The following RALYL variants were observed in gnomAD, a reference collection of about 807,000 sequenced individuals.
RALYL encodes the protein RALY RNA binding protein like.
A neutral mutation model predicts 35.1 loss-of-function variants in RALYL; 29 were observed. The observed-to-expected ratio is 0.83, with a 90% CI of 0.61 to 1.13. The LOEUF is 1.13. Ranked by LOEUF, RALYL falls within the 50% of genes most tolerant of loss-of-function variation. RALYL has a pLI of 0.00. For synonymous variants in RALYL, 120 were observed against 127.6 expected, an observed-to-expected ratio of 0.94 and a Z score of 0.40; for missense variants, 359 against 360.4, an observed-to-expected ratio of 1.00 and a Z score of 0.03.
intron 1 of RALYL, among the ~76,000 whole-genome samples, chr8:84,226,129 G>A (rs1395868579): frequency 6.6e-6 from 1 of 152,164 alleles, no homozygotes; most frequent in Admixed American, 6.5e-5. Context: ...TGTCAGATCA[G>A]CAGTGGCATT....
At chr8:84,219,910 G>C (rs1388254851) in intron 1 of RALYL, among the ~76,000 whole-genome samples, 4 of 151,904 alleles carry the variant, frequency 2.6e-5, no homozygotes, top group African/African-American at 9.7e-5. Context: ...ATAAAAGATT[G>C]GACAAACATT....
At chr8:84,631,842 T>C (rs1362890512) in intron 2 of RALYL, among the ~76,000 whole-genome samples, 1 of 151,988 alleles carries the variant, frequency 6.6e-6, no homozygotes, top group Non-Finnish European at 1.5e-5. Context: ...CAAAATTATT[T>C]GTATGATTTG....
chr8:84,559,142 A>G (rs186121147), intron 2 of RALYL, among the ~76,000 whole-genome samples: 60 of 151,818 alleles, frequency 4.0e-4, no homozygotes, highest in Non-Finnish European at 7.5e-4. Context: ...TTACTGAGTG[A>G]TATTTTTTAT....
At chr8:84,872,612 A>G (rs2135233470) in intron 6 of RALYL, 1 of 152,288 alleles carries the variant, frequency 6.6e-6, no homozygotes, top group Non-Finnish European at 1.5e-5. Context: ...AAACTGTACT[A>G]AACTCTAAAA....
intron 1 of RALYL, among the ~76,000 whole-genome samples, chr8:84,484,646 A>C (rs1044110622): frequency 6.6e-6 from 1 of 152,188 alleles, no homozygotes; most frequent in African/African-American, 2.4e-5. Context: ...TATTCATTCA[A>C]ATTATTTTTG....
chr8:84,535,528 T>C (rs867895536), intron 2 of RALYL, among the ~76,000 whole-genome samples: 11 of 151,206 alleles, frequency 7.3e-5, no homozygotes, highest in Admixed American at 4.0e-4. Flanking sequence ...CTCCGCCTCC[T>C]GGGTTCACGC....
intron 1 of RALYL, among the ~76,000 whole-genome samples, chr8:84,257,775 T>C (rs1274507484): frequency 1.3e-5 from 2 of 152,158 alleles, no homozygotes; most frequent in Admixed American, 1.3e-4. Context: ...TGCATTGGCT[T>C]GGTTTTCCCA....
chr8:84,314,770 G>A (rs778070247), intron 1 of RALYL, among the ~76,000 whole-genome samples: 1 of 152,006 alleles, frequency 6.6e-6, no homozygotes, highest in East Asian at 1.9e-4. Context: ...ATCACCATAA[G>A]CGAAATATAA....
chr8:84,371,683 C>T (rs1043544694), intron 1 of RALYL, among the ~76,000 whole-genome samples: 1 of 151,846 alleles, frequency 6.6e-6, no homozygotes, highest in Non-Finnish European at 1.5e-5. Context: ...AAATACTGTG[C>T]TGTGATATAC....
At chr8:84,583,588 A>G (rs1267641320) in intron 2 of RALYL, among the ~76,000 whole-genome samples, 2 of 152,176 alleles carry the variant, frequency 1.3e-5, no homozygotes, top group East Asian at 3.8e-4. Context: ...GTTATTTTGT[A>G]TTAATGAAAA....
intron 1 of RALYL, among the ~76,000 whole-genome samples, chr8:84,279,115 G>T (rs1336832484): frequency 6.6e-6 from 1 of 152,168 alleles, no homozygotes; most frequent in Admixed American, 6.5e-5. Context: ...TGGCTTACAT[G>T]GCAGCAGGCA....
chr8:84,825,835 T>A (rs1586580376), intron 4 of RALYL, among the ~76,000 whole-genome samples: 2 of 152,134 alleles, frequency 1.3e-5, no homozygotes, highest in Admixed American at 1.3e-4. Context: ...GCCACTGCAC[T>A]CAGCCTGGGA....
At chr8:84,719,494 A>T (rs1051669560) in intron 2 of RALYL, among the ~76,000 whole-genome samples, 2 of 152,164 alleles carry the variant, frequency 1.3e-5, no homozygotes, top group African/African-American at 4.8e-5. Context: ...TATGAAAAGG[A>T]ATCTAAAAAT....
intron 1 of RALYL, among the ~76,000 whole-genome samples, chr8:84,371,576 A>AAGAGAGAGAGAG (rs1389244022): frequency 1.0e-4 from 14 of 137,232 alleles, no homozygotes; most frequent in African/African-American, 3.8e-4. Flanking sequence ...CACACACAGA[A>AAGAGAGAGAGAG]AGAGAGAGAG....
chr8:84,564,727 T>C (rs1293095279), intron 2 of RALYL, among the ~76,000 whole-genome samples: 1 of 151,664 alleles, frequency 6.6e-6, no homozygotes, highest in African/African-American at 2.4e-5. Flanking sequence ...ATAAAAGCTT[T>C]CCTAGGTCCT....
chr8:84,902,033 T>A (rs2135567501), intron 8 of RALYL, among the ~76,000 whole-genome samples: 1 of 152,218 alleles, frequency 6.6e-6, no homozygotes, highest in African/African-American at 2.4e-5. Flanking sequence ...TTCAACATCA[T>A]CACATATCCA....
At chr8:84,672,697 C>G (rs1460583315) in intron 2 of RALYL, among the ~76,000 whole-genome samples, 1 of 152,114 alleles carries the variant, frequency 6.6e-6, no homozygotes, top group Non-Finnish European at 1.5e-5. Flanking sequence ...AGAACATGTA[C>G]AGGGGAAGTG....
At chr8:84,845,970 GTTCTCTATC>G (rs2134704765) in intron 4 of RALYL, among the ~76,000 whole-genome samples, 1 of 152,190 alleles carries the variant, frequency 6.6e-6, no homozygotes, top group East Asian at 1.9e-4. Context: ...TTATTTCTAG[GTTCTCTATC>G]CTGTTCCATT....
intron 5 of RALYL, among the ~76,000 whole-genome samples, chr8:84,860,327 TGGTCCTGC>T (rs1463006443): frequency 6.6e-6 from 1 of 152,166 alleles, no homozygotes; most frequent in East Asian, 1.9e-4. Flanking sequence ...CCTAGGGAAA[TGGTCCTGC>T]TAAAAGAGCT....
Sources: gnomAD v4.1 joint callset for allele counts (sites outside exome capture counted in the v4.1 genomes callset) on GRCh38, gnomAD v4.1.1 for gene constraint, MANE v1.5 for transcripts, NCBI Gene and HGNC (gene_info 2026-07-23, HGNC 2026-07-21) for gene names.